Variants in CDH13 observed in about 807,000 individuals in gnomAD.
CDH13 encodes cadherin-13.
In CDH13, 24 loss-of-function variants were observed where a neutral mutation model predicts 63.8. That is an observed-to-expected ratio of 0.38 (90% CI 0.27 to 0.53). The LOEUF is 0.53. Ranked by LOEUF, CDH13 falls within the 20% of genes least tolerant of loss-of-function variation. The pLI is 0.85. For synonymous variants in CDH13, 503 were observed against 355.3 expected, an observed-to-expected ratio of 1.42 and a Z score of -4.67; for missense variants, 1,049 against 903.1, an observed-to-expected ratio of 1.16 and a Z score of -2.07.
intron 6 of CDH13, among the ~76,000 whole-genome samples, chr16:83,421,395 C>T (rs1157187741): frequency 6.6e-6 from 1 of 152,166 alleles, no homozygotes; most frequent in Non-Finnish European, 1.5e-5. Context: ...GTTTCAGCAG[C>T]TCATCATAAT....
intron 1 of CDH13, among the ~76,000 whole-genome samples, chr16:82,807,349 T>C (rs1018474792): frequency 5.9e-5 from 9 of 152,168 alleles, no homozygotes; most frequent in African/African-American, 1.9e-4. Context: ...GGGTATTTGT[T>C]GACTGAAGAA....
chr16:83,163,639 G>A (rs1452178712), intron 4 of CDH13, among the ~76,000 whole-genome samples: 2 of 152,036 alleles, frequency 1.3e-5, no homozygotes, highest in Non-Finnish European at 2.9e-5. Flanking sequence ...GCCAAAGTGT[G>A]TCATCTCCAC....
At chr16:83,210,975 C>T (rs562508774) in intron 4 of CDH13, among the ~76,000 whole-genome samples, 119 of 151,810 alleles carry the variant, frequency 7.8e-4, no homozygotes, top group Non-Finnish European at 1.5e-3. Flanking sequence ...CAGTGAAACC[C>T]TGTCTCTACT....
At chr16:83,122,055 T>C (rs2035608277) in intron 3 of CDH13, among the ~76,000 whole-genome samples, 1 of 152,126 alleles carries the variant, frequency 6.6e-6, no homozygotes, top group Non-Finnish European at 1.5e-5. Flanking sequence ...ATGATTTTGA[T>C]AGGAAGCTGT....
At chr16:83,061,334 CG>C (rs2031532067) in intron 3 of CDH13, among the ~76,000 whole-genome samples, 1 of 151,818 alleles carries the variant, frequency 6.6e-6, no homozygotes, top group Admixed American at 6.5e-5. Context: ...GGGCTTTGTC[CG>C]GATGAGTGGA....
chr16:83,555,235 T>C (rs533267923), intron 7 of CDH13, among the ~76,000 whole-genome samples: 1 of 152,262 alleles, frequency 6.6e-6, no homozygotes, highest in East Asian at 1.9e-4. Context: ...TGTACAGTGG[T>C]AAACTCAAGC....
chr16:83,767,299 C>G (rs1430494658), intron 11 of CDH13, among the ~76,000 whole-genome samples: 1 of 151,638 alleles, frequency 6.6e-6, no homozygotes, highest in East Asian at 2.0e-4. Context: ...GTGGGGCCAT[C>G]TAGAGTAATG....
intron 5 of CDH13, among the ~76,000 whole-genome samples, chr16:83,238,740 T>G (rs987031228): frequency 2.7e-5 from 4 of 150,662 alleles, no homozygotes; most frequent in African/African-American, 4.9e-5. Context: ...ATATGTGTTT[T>G]TTTGTTTGTT....
intron 2 of CDH13, among the ~76,000 whole-genome samples, chr16:82,986,384 CTG>C (rs1910941983): frequency 6.6e-6 from 1 of 152,236 alleles, no homozygotes; most frequent in Non-Finnish European, 1.5e-5. Context: ...ACCATGCACA[CTG>C]TGTATATAAA....
chr16:83,793,139 C>G (rs1043245914), intron 13 of CDH13, among the ~76,000 whole-genome samples: 4 of 152,084 alleles, frequency 2.6e-5, no homozygotes, highest in African/African-American at 9.7e-5. Flanking sequence ...TAACAGAAGC[C>G]TGAGAGTGAG....
chr16:83,014,880 G>GTATATATATATA (rs1567746198), intron 2 of CDH13, among the ~76,000 whole-genome samples: 1 of 130,010 alleles, frequency 7.7e-6, no homozygotes, highest in African/African-American at 2.9e-5. Flanking sequence ...ATATATATAT[G>GTATATATATATA]TTTGTGTATA....
intron 6 of CDH13, among the ~76,000 whole-genome samples, chr16:83,456,526 A>G (rs1182322091): frequency 2.0e-5 from 3 of 152,174 alleles, no homozygotes; most frequent in Admixed American, 1.3e-4. Context: ...GTGGGTTCAG[A>G]GGCAACTGCA....
chr16:83,755,311 A>G (rs921772005), intron 11 of CDH13, among the ~76,000 whole-genome samples: 1 of 152,212 alleles, frequency 6.6e-6, no homozygotes, highest in African/African-American at 2.4e-5. Context: ...ACGGGAAAAA[A>G]TCTGCCAAAA....
At chr16:83,366,864 C>T (rs1031755726) in intron 6 of CDH13, among the ~76,000 whole-genome samples, 2 of 152,178 alleles carry the variant, frequency 1.3e-5, no homozygotes, top group African/African-American at 4.8e-5. Context: ...TTATCACATA[C>T]TGTGCGTAAG....
chr16:83,602,107 CAAAAAAAAA>C (rs869202510), intron 7 of CDH13, among the ~76,000 whole-genome samples: 4 of 7,960 alleles, frequency 5.0e-4, no homozygotes, highest in Admixed American at 2.6e-3. Context: ...AGAACAACAA[CAAAAAAAAA>C]AAAAAAAAAA....
intron 4 of CDH13, among the ~76,000 whole-genome samples, chr16:83,150,926 C>G (rs1390334370): frequency 6.6e-6 from 1 of 152,168 alleles, no homozygotes. Flanking sequence ...TCTTTATTAT[C>G]TGCCTCTGTC....
At chr16:82,961,343 C>G (rs992711740) in intron 2 of CDH13, among the ~76,000 whole-genome samples, 2 of 152,132 alleles carry the variant, frequency 1.3e-5, no homozygotes, top group Non-Finnish European at 2.9e-5. Flanking sequence ...CGTCACTAAC[C>G]TATGGTTCTG....
intron 1 of CDH13, among the ~76,000 whole-genome samples, chr16:82,794,498 C>T (rs1451493815): frequency 6.6e-5 from 10 of 151,476 alleles, no homozygotes; most frequent in Admixed American, 2.6e-4. Flanking sequence ...CAGAGACCAA[C>T]GGCTAGGAAT....
intron 4 of CDH13, among the ~76,000 whole-genome samples, chr16:83,139,056 C>A (rs955413594): frequency 1.3e-5 from 2 of 151,692 alleles, no homozygotes; most frequent in Non-Finnish European, 2.9e-5. Context: ...ACTGTTTTAT[C>A]CACCTCCCCG....
Sources: allele counts gnomAD v4.1 joint callset (sites outside exome capture counted in the v4.1 genomes callset), GRCh38; gene constraint gnomAD v4.1.1; transcripts MANE v1.5; gene names NCBI Gene and HGNC (gene_info 2026-07-23, HGNC 2026-07-21).